The following TEF variants were observed in gnomAD, a reference collection of about 807,000 sequenced individuals.
The protein encoded by TEF is thyrotroph embryonic factor.
TEF carries 3 observed loss-of-function variants against 20.8 expected under a neutral mutation model. That is an observed-to-expected ratio of 0.14 (90% CI 0.07 to 0.37). The LOEUF (loss-of-function observed/expected upper bound fraction) is 0.37. Ranked by LOEUF, TEF falls within the 10% of genes least tolerant of loss-of-function variation. The pLI, the probability that TEF is intolerant of heterozygous loss-of-function variation, is 1.00. For synonymous variants in TEF, 180 were observed against 171.1 expected (o/e 1.05, Z -0.41); for missense variants, 296 against 397.9 (o/e 0.74, Z 2.18).
At chr22:41,378,767 C>G (rs1686025681), upstream of TEF, among the ~76,000 whole-genome samples, 2 of 152,150 alleles carry the variant, frequency 1.3e-5, no homozygotes, top group South Asian at 4.1e-4. Context: ...CCACCACGCC[C>G]AGCCCTGTAT....
chr22:41,383,468 C>T (rs1008097720), intron 1 of TEF, among the ~76,000 whole-genome samples: 6 of 152,192 alleles, frequency 3.9e-5, no homozygotes, highest in Non-Finnish European at 5.9e-5. Context: ...ACCCGATATT[C>T]GTAGAGTGCT....
Position 41,381,946 on chromosome 22 carries a change from T to C in TEF, c.-99T>C, listed in dbSNP as rs2037030904. 5 of 1,225,224 alleles carry C rather than the reference T, an allele frequency of 4.1e-6. No homozygotes were observed. Among genetic ancestry groups the C allele is most frequent in the East Asian group, 6.4e-5 (2 of 31,254 alleles). 75.9% of individuals were successfully genotyped at this position (1,225,224 alleles called of 1,614,324 possible). ...GGGGCGCCATTGGGCGCCTGCGCAG[T>C]AGCTGCCCGTGTCGGCAGCTGCAGC... On this transcript the variant is annotated 5_prime_UTR_variant, in exon 1 of 4. Coordinates refer to ENST00000266304, the MANE Select transcript of TEF (RefSeq NM_003216.4).
chr22:41,391,331 C>CTTT (rs566421536), intron 2 of TEF, among the ~76,000 whole-genome samples: 32 of 142,338 alleles, frequency 2.2e-4, no homozygotes, highest in South Asian at 6.7e-4. Flanking sequence ...ATCTTCTTTT[C>CTTT]TTTTTTTTTT....
chr22:41,389,349 C>T (rs866744804), intron 2 of TEF, among the ~76,000 whole-genome samples: 4 of 152,080 alleles, frequency 2.6e-5, no homozygotes, highest in East Asian at 1.9e-4. Flanking sequence ...TGCAGTGAAC[C>T]GAGATTGCAC....
At chr22:41,385,632 C>T in intron 1 of TEF, among the ~76,000 whole-genome samples, 1 of 152,174 alleles carries the variant, frequency 6.6e-6, no homozygotes, top group Non-Finnish European at 1.5e-5. Flanking sequence ...ACTCCATTTC[C>T]CTCCTTGTAG....
At chr22:41,378,886 A>G (rs758372773), upstream of TEF, among the ~76,000 whole-genome samples, 1 of 152,186 alleles carries the variant, frequency 6.6e-6, no homozygotes, top group Admixed American at 6.5e-5. Context: ...CAACACAACA[A>G]ATTTTCTGTA....
chr22:41,387,790 C>A, intron 2 of TEF, 122 bp downstream of exon 2: 3 of 1,032,366 alleles, frequency 2.9e-6, no homozygotes, highest in Non-Finnish European at 4.2e-6. Flanking sequence ...CCTGGTGGGG[C>A]TGCAGTGTGG....
intron 1 of TEF, among the ~76,000 whole-genome samples, chr22:41,371,459 A>C (rs777893258): frequency 4.6e-5 from 7 of 152,140 alleles, no homozygotes; most frequent in Non-Finnish European, 2.9e-5. Flanking sequence ...CAGGCCACAA[A>C]TCCTAATTCT....
Position 41,392,670 on chromosome 22 carries a change from CAAAAAAAAAAA to C in TEF, c.476-1412_476-1402del, listed in dbSNP as rs920294546. The stretch of plus-strand genomic sequence containing the variant: ...CCCTGGGAAACAGAGTGAGACTCTT[CAAAAAAAAAAA>C]AAAAAAAAAAAAAGACTAAGTGACT... On this transcript the variant is annotated intron_variant, in intron 2 of 3. Transcript: ENST00000266304. 3.1e-4 allele frequency among the ~76,000 whole-genome samples: 12 copies of C among 39,336 alleles called. 1 individual carries two copies. In the East Asian group the frequency reaches 8.4e-3, roughly 28 times the overall value. The allele number at this position is 39,336 out of a possible 152,430, so 25.8% of individuals were successfully genotyped here. A position where few individuals can be genotyped will look rare whatever the true frequency, so the allele number is the denominator to read the frequency against.
rs530707936 is a variant in TEF at position 41,387,983 on chromosome 22, C to CTTTTTTTTTTTTTTT, written c.475+333_475+347dup. 6.0e-5 allele frequency among the ~76,000 whole-genome samples: 3 copies of CTTTTTTTTTTTTTTT among 50,078 alleles called. 1 individual carries two copies. The highest frequency in any genetic ancestry group is 8.4e-5 in the African/African-American group (1 of 11,962). The allele number at this position is 50,078 out of a possible 152,430, so 32.9% of individuals were successfully genotyped here. ...CATTCTGCATTTCCTCAATGCTGCT[C>CTTTTTTTTTTTTTTT]TTTTTTTTTTTTTTTTTTTTTTTTT... is the stretch of plus-strand genomic sequence containing the variant. On this transcript the variant is annotated intron_variant, in intron 2 of 3. Coordinates refer to ENST00000266304, the MANE Select transcript of TEF (RefSeq NM_003216.4).
rs1035571535 is a variant in TEF at position 41,396,933 on chromosome 22, C to T, written c.*973C>T. On this transcript the variant is annotated 3_prime_UTR_variant, in exon 4 of 4. Coordinates refer to ENST00000266304, the MANE Select transcript of TEF (RefSeq NM_003216.4). ...TGTTTAGAAAATGCCTCCACAGCCC[C>T]CTTCCACCATGGGCATGAGAGCTGG... 10 of 398,544 alleles carry T rather than the reference C, an allele frequency of 2.5e-5. No individual in the cohort carries two copies. Among genetic ancestry groups the T allele is most frequent in the African/African-American group, 1.9e-4 (9 of 48,614 alleles). 24.7% of individuals were successfully genotyped at this position (398,544 alleles called of 1,614,324 possible).
chr22:41,393,827 G>A (rs1480625781), intron 2 of TEF, among the ~76,000 whole-genome samples: 1 of 151,934 alleles, frequency 6.6e-6, no homozygotes, highest in East Asian at 1.9e-4. Flanking sequence ...TGGAGGGGGT[G>A]GAAACAATTG....
chr22:41,381,956 T>TGTCGGCAGCTGCAGCGG lies in TEF; in HGVS notation c.-84_-68dup. 1.6e-6 allele frequency: 2 copies of TGTCGGCAGCTGCAGCGG among 1,224,912 alleles called. No individual in the cohort carries two copies. The highest frequency in any genetic ancestry group is 2.0e-6 in the Non-Finnish European group (2 of 984,586). 75.9% of individuals were successfully genotyped at this position (1,224,912 alleles called of 1,614,324 possible). ...TGGGCGCCTGCGCAGTAGCTGCCCG[T>TGTCGGCAGCTGCAGCGG]GTCGGCAGCTGCAGCGGGTCGCACG... On this transcript the variant is annotated 5_prime_UTR_variant, in exon 1 of 4. Transcript: ENST00000266304.
At position 41,384,428 on chromosome 22, in the gene TEF, A is replaced by G. The variant is rs113246364; in HGVS notation, c.157+2227A>G. ...ATTGATTAGTTTTCCTTTGAATAGG[A>G]GCAGTCTTTCTTCTTCAACTCCACC... On this transcript the variant is annotated intron_variant, in intron 1 of 3. Coordinates refer to ENST00000266304, the MANE Select transcript of TEF (RefSeq NM_003216.4). 7.5e-3 allele frequency among the ~76,000 whole-genome samples: 1,140 copies of G among 152,208 alleles called. 21 individuals carry two copies. Among genetic ancestry groups the G allele is most frequent in the African/African-American group, 0.026 (1,082 of 41,518 alleles).
chr22:41,398,138 G>C lies in TEF; in HGVS notation c.*2178G>C, dbSNP rs529182807. The C allele has an allele frequency of 1.7e-4, 26 of 151,872 alleles. No individual in the cohort carries two copies. The highest frequency in any genetic ancestry group is 6.0e-4 in the African/African-American group (25 of 41,394). 9.4% of individuals were successfully genotyped at this position (151,872 alleles called of 1,614,324 possible). On this transcript the variant is annotated 3_prime_UTR_variant, in exon 4 of 4. Coordinates refer to ENST00000266304, the MANE Select transcript of TEF (RefSeq NM_003216.4). The stretch of plus-strand genomic sequence containing the variant: ...TTCGAAATGCCCCTCTGAGTCAGGA[G>C]CCTGGTGGGGACAAGATGGAGGATG...
chr22:41,384,912 C>G (rs1386820728), intron 1 of TEF, among the ~76,000 whole-genome samples: 1 of 152,050 alleles, frequency 6.6e-6, no homozygotes, highest in Non-Finnish European at 1.5e-5. Flanking sequence ...CACCACTATT[C>G]CTGACTGATT....
chr22:41,385,643 T>G (rs2037089070), intron 1 of TEF, among the ~76,000 whole-genome samples: 1 of 152,248 alleles, frequency 6.6e-6, no homozygotes, highest in East Asian at 1.9e-4. Flanking sequence ...CTCCTTGTAG[T>G]CTCTCTCCTG....
chr22:41,367,542 C>A, exon 1 of TEF: 1 of 1,551,332 alleles, frequency 6.4e-7, no homozygotes, highest in Non-Finnish European at 8.7e-7. Context: ...CATGGACATG[C>A]CTGAGGTCCT....
At position 41,396,665 on chromosome 22, in the gene TEF, A is replaced by T. The variant is rs908633161; in HGVS notation, c.*705A>T. 1.2e-5 allele frequency: 4 copies of T among 335,330 alleles called. No individual in the cohort carries two copies. Among genetic ancestry groups the T allele is most frequent in the African/African-American group, 8.4e-5 (4 of 47,352 alleles). 20.8% of individuals were successfully genotyped at this position (335,330 alleles called of 1,614,324 possible). A position where few individuals can be genotyped will look rare whatever the true frequency, so the allele number is the denominator to read the frequency against. On this transcript the variant is annotated 3_prime_UTR_variant, in exon 4 of 4. Transcript: ENST00000266304. ...TGTCTCTGCATTTCATTGGCTGTGGAGGAGAGACTCCTAGGATGGCTGCTG... is the reference window on the plus strand; with the variant it reads ...TGTCTCTGCATTTCATTGGCTGTGGTGGAGAGACTCCTAGGATGGCTGCTG...
Sources: gnomAD v4.1 joint callset for allele counts (sites outside exome capture counted in the v4.1 genomes callset) on GRCh38, gnomAD v4.1.1 for gene constraint, MANE v1.5 for transcripts, NCBI Gene and HGNC (gene_info 2026-07-23, HGNC 2026-07-21) for gene names.